Variants in SELENOI observed in about 807,000 individuals in gnomAD.
The protein encoded by SELENOI is ethanolaminephosphotransferase 1.
In SELENOI, 24 loss-of-function variants were observed where a neutral mutation model predicts 50.7. The observed-to-expected ratio is 0.47, with a 90% confidence interval of 0.34 to 0.67. The LOEUF (loss-of-function observed/expected upper bound fraction) is 0.67, where lower values mean the gene tolerates loss of function less well. Ranked by LOEUF, SELENOI falls within the 30% of genes least tolerant of loss-of-function variation. The probability of loss-of-function intolerance (pLI) is 0.01; values close to 1 mark genes in which losing one functional copy is unlikely to be tolerated. For synonymous variants in SELENOI, 155 were observed against 170.2 expected (o/e 0.91, Z 0.70); for missense variants, 352 against 461.4 (o/e 0.76, Z 2.17).
intron 6 of SELENOI, among the ~76,000 whole-genome samples, chr2:26,377,990 A>G (rs1453154455): frequency 6.6e-6 from 1 of 151,988 alleles, no homozygotes; most frequent in African/African-American, 2.4e-5. Flanking sequence ...TTGGACACAG[A>G]TGAAGAAATT....
At chr2:26,367,304 G>T (rs1677307300) in intron 4 of SELENOI, 84 bp downstream of exon 4, 8 of 1,046,636 alleles carry the variant, frequency 7.6e-6, no homozygotes, top group Non-Finnish European at 9.8e-6. Flanking sequence ...ATTTTCTCCT[G>T]TGCTTAATTC....
rs578146044 is a variant in SELENOI at position 26,361,791 on chromosome 2, T to C, written c.58-2511T>C. On this transcript the variant is annotated intron_variant, in intron 1 of 9. Transcript: ENST00000260585. ...GCCTCAGCCTCCCAAGTACCTGGGA[T>C]TACAGGCGTATGCCACCACACCCGA... is the stretch of plus-strand genomic sequence containing the variant. 1.4e-4 allele frequency among the ~76,000 whole-genome samples: 22 copies of C among 152,172 alleles called. 1 individual carries two copies. The highest frequency in any genetic ancestry group is 2.0e-4 in the Admixed American group (3 of 15,284).
chr2:26,350,236 T>C (rs1205390516), intron 1 of SELENOI, among the ~76,000 whole-genome samples: 1 of 152,186 alleles, frequency 6.6e-6, no homozygotes, highest in Non-Finnish European at 1.5e-5. Flanking sequence ...ATTGTGAATT[T>C]ATTAGTATTA....
rs1186502024 is a variant in SELENOI, at chr2:26,389,038, C to G, written c.1129C>G (p.Pro377Ala). Residue 377 changes from proline (P) to alanine (A), a missense_variant, in exon 10 of 10, where the codon CCC (proline) becomes GCC (alanine). Physicochemically the swap from Pro to Ala is conservative, Grantham distance 27. Transcript: ENST00000260585. ...KQLSSHFQIY[P>A]FSLRKPNSDU... Reference sequence around the variant, plus strand: ...GCTGAGCAGCCATTTTCAGATTTACCCCTTCTCATTGAGGAAACCAAACTC... The same window carrying G: ...GCTGAGCAGCCATTTTCAGATTTACGCCTTCTCATTGAGGAAACCAAACTC... The G allele has an allele frequency of 1.3e-6, 2 of 1,590,026 alleles. No homozygotes were observed. The highest frequency in any genetic ancestry group is 1.7e-6 in the Non-Finnish European group (2 of 1,166,988).
intron 9 of SELENOI, among the ~76,000 whole-genome samples, chr2:26,387,473 TTTAGCTCAGGAG>T (rs1379102618): frequency 6.6e-6 from 1 of 151,854 alleles, no homozygotes; most frequent in Admixed American, 6.6e-5. Flanking sequence ...GGTGGATCGC[TTTAGCTCAGGAG>T]TTCGAGACCA....
At chr2:26,372,699 C>T (rs544143815) in intron 4 of SELENOI, among the ~76,000 whole-genome samples, 60 of 152,228 alleles carry the variant, frequency 3.9e-4, no homozygotes, top group Admixed American at 1.6e-3. Context: ...ATGGCATGTT[C>T]GCTGGAAGCT....
At chr2:26,374,962 T>C in intron 5 of SELENOI, 78 bp from the exon 6 acceptor site, 1 of 951,232 alleles carries the variant, frequency 1.1e-6, no homozygotes, top group South Asian at 1.4e-5. Flanking sequence ...CTTGACTTAA[T>C]GCTGCATAAA....
In SELENOI at chr2:26,394,453, CTTTGAG is replaced by C; in HGVS notation, c.*5354_*5359del. On this transcript the variant is annotated 3_prime_UTR_variant, in exon 10 of 10. Transcript: ENST00000260585. This position sits in a 1 kb window ranked among gnomAD's most constrained non-coding sequence, Gnocchi z 4.1. ...ATTACTGTTGCCTTTCAGCATTAGA[CTTTGAG>C]TTTAATAACTACAAATTGAGACTGC... 6.6e-6 allele frequency: 1 copy of C among 152,314 alleles called. No homozygotes were observed. The highest frequency in any genetic ancestry group is 1.9e-4 in the East Asian group (1 of 5,188). The allele number at this position is 152,314 out of a possible 1,614,324, so 9.4% of individuals were successfully genotyped here.
Position 26,381,198 on chromosome 2 carries a change from CTTTTTTTTTTT to C in SELENOI, c.683-2080_683-2070del, listed in dbSNP as rs57102834. Among the ~76,000 whole-genome samples the C allele has an allele frequency of 4.6e-4, 14 of 30,200 alleles. No individual in the cohort carries two copies. In the Admixed American group the frequency reaches 6.2e-3, roughly 13 times the overall value. 19.8% of individuals were successfully genotyped at this position (30,200 alleles called of 152,430 possible). A position where few individuals can be genotyped will look rare whatever the true frequency, so the allele number is the denominator to read the frequency against. On this transcript the variant is annotated intron_variant, in intron 6 of 9. Coordinates refer to ENST00000260585, the MANE Select transcript of SELENOI (RefSeq NM_033505.4). ...TGGATTGTATCTCCTTCAGTTTGGT[CTTTTTTTTTTT>C]TTTTTTTTTTTTTTTTTTTTACAAA...
chr2:26,377,155 C>T (rs1181563120), intron 6 of SELENOI, among the ~76,000 whole-genome samples: 1 of 152,238 alleles, frequency 6.6e-6, no homozygotes. Flanking sequence ...ATGTGTGTTA[C>T]ACAGGTTTGC....
chr2:26,383,394 G>A (rs1677750596), intron 7 of SELENOI, 47 bp downstream of exon 7: 2 of 1,321,654 alleles, frequency 1.5e-6, no homozygotes, highest in African/African-American at 2.9e-5. Flanking sequence ...AAAAGTTTTA[G>A]CAGTTGTTAG....
rs1272951139 is a variant in SELENOI at position 26,370,625 on chromosome 2, A to T, written c.311-2742A>T. ...TGGCTGGGCGGGGGCTGACCCCCCC[A>T]CCTCCCTCCCAGACGGGGCGGCTGG... On this transcript the variant is annotated intron_variant, in intron 4 of 9. Coordinates refer to ENST00000260585, the MANE Select transcript of SELENOI (RefSeq NM_033505.4). 9.6e-5 allele frequency among the ~76,000 whole-genome samples: 2 copies of T among 20,920 alleles called. 1 individual carries two copies. Among genetic ancestry groups the T allele is most frequent in the Non-Finnish European group, 2.4e-4 (2 of 8,376 alleles). The allele number at this position is 20,920 out of a possible 152,430, so 13.7% of individuals were successfully genotyped here.
In SELENOI at chr2:26,389,300, A is replaced by G; in HGVS notation, c.*197A>G. 1 of 497,292 alleles carries G rather than the reference A, an allele frequency of 2.0e-6. No individual in the cohort carries two copies. Among genetic ancestry groups the G allele is most frequent in the East Asian group, 3.1e-5 (1 of 32,412 alleles). The allele number at this position is 497,292 out of a possible 1,614,324, so 30.8% of individuals were successfully genotyped here. ...CTAAGCCTATTTTATTTTTTATAAA[A>G]CTATGTGACATTTTGGTTGAGCAGA... On this transcript the variant is annotated 3_prime_UTR_variant, in exon 10 of 10. Transcript: ENST00000260585.
intron 1 of SELENOI, among the ~76,000 whole-genome samples, chr2:26,359,047 T>A (rs930004292): frequency 1.3e-5 from 2 of 152,226 alleles, no homozygotes; most frequent in Non-Finnish European, 2.9e-5. Context: ...CCAGTCTGCC[T>A]GTTTTAGTGA....
chr2:26,395,398 G>C lies in SELENOI; in HGVS notation c.*6295G>C, dbSNP rs1442856856. ...CTTTCCCATTTTCCTTTAACCATGG[G>C]TTGTGTGAGCCAGAAAGAGCTTTGA... On this transcript the variant is annotated 3_prime_UTR_variant, in exon 10 of 10. Transcript: ENST00000260585. 6.6e-6 allele frequency: 1 copy of C among 152,134 alleles called. No homozygotes were observed. The highest frequency in any genetic ancestry group is 1.5e-5 in the Non-Finnish European group (1 of 68,042). The allele number at this position is 152,134 out of a possible 1,614,324, so 9.4% of individuals were successfully genotyped here. A position where few individuals can be genotyped will look rare whatever the true frequency, so the allele number is the denominator to read the frequency against.
chr2:26,369,077 G>A (rs919718071), intron 4 of SELENOI, among the ~76,000 whole-genome samples: 11 of 152,190 alleles, frequency 7.2e-5, no homozygotes, highest in African/African-American at 2.7e-4. Context: ...TAATGCACTA[G>A]TTAACAAAAC....
chr2:26,379,246 G>A (rs931740375), intron 6 of SELENOI, among the ~76,000 whole-genome samples: 1 of 152,188 alleles, frequency 6.6e-6, no homozygotes, highest in African/African-American at 2.4e-5. Context: ...GGTGAGAAGA[G>A]CGCAACTCTG....
intron 1 of SELENOI, among the ~76,000 whole-genome samples, chr2:26,348,359 C>T (rs1008889746): frequency 3.3e-5 from 5 of 152,150 alleles, no homozygotes; most frequent in Admixed American, 6.5e-5. Flanking sequence ...ACTACAAAAG[C>T]AGTTGGTGGA....
intron 1 of SELENOI, among the ~76,000 whole-genome samples, chr2:26,351,794 C>T (rs1227165178): frequency 6.6e-6 from 1 of 152,142 alleles, no homozygotes; most frequent in Non-Finnish European, 1.5e-5. Flanking sequence ...TTAGCAAATT[C>T]CTGGCTCTCT....
Sources: gnomAD v4.1 joint callset for allele counts (sites outside exome capture counted in the v4.1 genomes callset) on GRCh38, gnomAD v4.1.1 for gene constraint, Gnocchi (gnomAD v3.1) non-coding constraint, MANE v1.5 for transcripts, NCBI Gene and HGNC (gene_info 2026-07-23, HGNC 2026-07-21) for gene names.